POLQ: variants seen among roughly 807,000 people sequenced by gnomAD.
The protein encoded by POLQ is epididymis secretory sperm binding protein.
In POLQ, 233 loss-of-function variants were observed where a neutral mutation model predicts 259.2. That is an observed-to-expected ratio of 0.90 (90% CI 0.81 to 1.00). The LOEUF (loss-of-function observed/expected upper bound fraction) is 1.00. POLQ is among the 50% of genes least tolerant of loss of function. The probability of loss-of-function intolerance (pLI) is 0.00; values close to 1 mark genes in which losing one functional copy is unlikely to be tolerated. For synonymous variants in POLQ, 1,025 were observed against 1,048.8 expected, an observed-to-expected ratio of 0.98 and a Z score of 0.44; for missense variants, 2,871 against 3,051.6, an observed-to-expected ratio of 0.94 and a Z score of 1.39.
rs1465222224 is a variant in POLQ, at chr3:121,464,394, A to T, written c.6967+3125T>A. 3.3e-5 allele frequency among the ~76,000 whole-genome samples: 5 copies of T among 152,224 alleles called. No individual in the cohort carries two copies. In the South Asian group the frequency reaches 1.0e-3, roughly 32 times the overall value. On this transcript the variant is annotated intron_variant, in intron 24 of 29. Transcript: ENST00000264233. ...ACCAAAAACAACAACAACAACAACA[A>T]TAATAATAATAATTTTATGCATTTT...
chr3:121,511,482 C>CA (rs1332340539), intron 10 of POLQ, among the ~76,000 whole-genome samples: 28 of 151,618 alleles, frequency 1.8e-4, no homozygotes, highest in African/African-American at 5.8e-4. Context: ...AAAAACAAAA[C>CA]AAAAAAAACA....
At chr3:121,517,246 C>G (rs1389897629) in intron 9 of POLQ, among the ~76,000 whole-genome samples, 4 of 152,224 alleles carry the variant, frequency 2.6e-5, no homozygotes, top group Non-Finnish European at 4.4e-5. Context: ...GAATCTCACT[C>G]TCTTCCCTCA....
At chr3:121,482,609 TG>T (rs34808945) in intron 18 of POLQ, among the ~76,000 whole-genome samples, 119,153 of 151,386 alleles carry the variant, frequency 0.79, 47,024 homozygotes, top group East Asian at 0.89. Flanking sequence ...CCCCTCAGAA[TG>T]GGGGGGGTCT....
At chr3:121,492,776 T>C (rs1477313350) in intron 15 of POLQ, among the ~76,000 whole-genome samples, 2 of 150,362 alleles carry the variant, frequency 1.3e-5, no homozygotes, top group African/African-American at 4.9e-5. Flanking sequence ...GCTGGGACTA[T>C]AGGCACATGC....
chr3:121,472,760 T>A (rs1465578954), intron 21 of POLQ, among the ~76,000 whole-genome samples: 1 of 152,162 alleles, frequency 6.6e-6, no homozygotes, highest in Non-Finnish European at 1.5e-5. Context: ...GGACCACAAT[T>A]CTACACAAGG....
chr3:121,506,979 G>GA (rs1425231676), intron 12 of POLQ, among the ~76,000 whole-genome samples: 3 of 149,180 alleles, frequency 2.0e-5, no homozygotes, highest in Admixed American at 6.6e-5. Context: ...ACACTGTTAA[G>GA]AAAAAAAAAG....
At chr3:121,530,762 C>T (rs2048405446) in intron 6 of POLQ, among the ~76,000 whole-genome samples, 1 of 152,170 alleles carries the variant, frequency 6.6e-6, no homozygotes, top group African/African-American at 2.4e-5. Flanking sequence ...TCTATTCACT[C>T]ATTAAACAAA....
chr3:121,436,936 G>A (rs2047548907), intron 27 of POLQ, among the ~76,000 whole-genome samples: 2 of 151,982 alleles, frequency 1.3e-5, no homozygotes, highest in South Asian at 2.1e-4. Context: ...GTAGAGAAGG[G>A]AGTCTGGGTT....
chr3:121,482,251 G>T (rs1472226895), intron 18 of POLQ, among the ~76,000 whole-genome samples: 3 of 152,186 alleles, frequency 2.0e-5, no homozygotes, highest in Middle Eastern at 3.2e-3. Flanking sequence ...GGGCGCAGTG[G>T]CTGACACCTG....
chr3:121,481,656 G>A lies in POLQ; in HGVS notation c.6127C>T (p.Arg2043Ter), dbSNP rs762108057. The A allele has an allele frequency of 7.4e-6, 12 of 1,613,768 alleles. No individual in the cohort carries two copies. The highest frequency in any genetic ancestry group is 9.3e-6 in the Non-Finnish European group (11 of 1,179,852). The change falls in exon 19 of 30, where the codon CGA (arginine) becomes TGA (stop). Residue 2043 changes from arginine to a stop codon, truncating the protein, a stop_gained. Transcript: ENST00000264233. LOFTEE classifies it high-confidence loss of function. ...GLNAGSEHSG[R>*]YRASVESILI... ...ATGGACTCCACAGATGCTCTGTATC[G>A]CCCAGAATGCTCACTGCCAGCATTT...
In POLQ at chr3:121,545,938, A is replaced by T; in HGVS notation, c.-61T>A. On this transcript the variant is annotated 5_prime_UTR_variant, in exon 1 of 30. Coordinates refer to ENST00000264233, the MANE Select transcript of POLQ (RefSeq NM_199420.4). The stretch of plus-strand genomic sequence containing the variant: ...GTCCCAGCGTCCTCCCTCTCGGGAG[A>T]ACCCTGGCCTGGCAACAGCTGCGGA... The T allele has an allele frequency of 6.3e-7, 1 of 1,585,684 alleles. No individual in the cohort carries two copies. Among genetic ancestry groups the T allele is most frequent in the Non-Finnish European group, 8.6e-7 (1 of 1,161,230 alleles).
At chr3:121,432,464 GTT>G in intron 29 of POLQ, 47 bp from the exon 30 acceptor site, 1 of 1,581,038 alleles carries the variant, frequency 6.3e-7, no homozygotes, top group Non-Finnish European at 8.6e-7. Flanking sequence ...GTCAAAGAAT[GTT>G]TCCCAAACCA....
Position 121,545,942 on chromosome 3 carries a change from C to A in POLQ, c.-65G>T. On this transcript the variant is annotated 5_prime_UTR_variant, in exon 1 of 30. It adds an upstream start codon to the 5' untranslated region. Transcript: ENST00000264233. Reference sequence around the variant, plus strand: ...CAGCGTCCTCCCTCTCGGGAGAACCCTGGCCTGGCAACAGCTGCGGACATC... The same window carrying A: ...CAGCGTCCTCCCTCTCGGGAGAACCATGGCCTGGCAACAGCTGCGGACATC... 6.3e-7 allele frequency: 1 copy of A among 1,577,398 alleles called. No individual in the cohort carries two copies. Among genetic ancestry groups the A allele is most frequent in the South Asian group, 1.1e-5 (1 of 88,476 alleles).
chr3:121,463,396 TA>T (rs1473717153), intron 24 of POLQ, among the ~76,000 whole-genome samples: 2 of 152,202 alleles, frequency 1.3e-5, no homozygotes, highest in African/African-American at 4.8e-5. Flanking sequence ...CCTTCCTTTA[TA>T]AATCACCCAG....
chr3:121,494,691 A>G, intron 14 of POLQ: 3 of 1,579,950 alleles, frequency 1.9e-6, no homozygotes, highest in Non-Finnish European at 1.7e-6. Context: ...CGTCTAGTCC[A>G]CAGGAAGACC....
chr3:121,533,773 C>T (rs1214137526), intron 5 of POLQ, among the ~76,000 whole-genome samples: 2 of 152,094 alleles, frequency 1.3e-5, no homozygotes, highest in East Asian at 1.9e-4. Flanking sequence ...CTCGGCCTCC[C>T]GAAGTGCTGG....
At chr3:121,436,534 G>A (rs1390744673) in intron 27 of POLQ, among the ~76,000 whole-genome samples, 1 of 152,148 alleles carries the variant, frequency 6.6e-6, no homozygotes, top group Non-Finnish European at 1.5e-5. Context: ...TGACTACTCA[G>A]TTAGCATCCA....
chr3:121,474,015 CCA>C (rs1197313430), intron 20 of POLQ, among the ~76,000 whole-genome samples: 3 of 152,188 alleles, frequency 2.0e-5, no homozygotes, highest in Non-Finnish European at 4.4e-5. Context: ...GCATGAGCCA[CCA>C]CACACAGCCA....
chr3:121,454,033 T>C (rs2047706807), intron 25 of POLQ, among the ~76,000 whole-genome samples: 2 of 152,218 alleles, frequency 1.3e-5, no homozygotes, highest in Non-Finnish European at 2.9e-5. Flanking sequence ...AGCGGATCTC[T>C]CGGCAGAAAC....
Sources: allele counts gnomAD v4.1 joint callset (sites outside exome capture counted in the v4.1 genomes callset), GRCh38; gene constraint gnomAD v4.1.1; transcripts MANE v1.5; gene names NCBI Gene and HGNC (gene_info 2026-07-23, HGNC 2026-07-21).